Variants in LPP observed in about 807,000 individuals in gnomAD.
The protein encoded by LPP is lipoma-preferred partner.
In LPP, 38 loss-of-function variants were observed where a neutral mutation model predicts 60.4. The observed-to-expected ratio is 0.63, with a 90% confidence interval of 0.49 to 0.83. The LOEUF (loss-of-function observed/expected upper bound fraction) is 0.83. Among genes scored for constraint, LPP ranks in the 40% least tolerant of loss-of-function variants. LPP has a pLI of 0.00. For missense variants in LPP, 902 were observed against 783.6 expected, an observed-to-expected ratio of 1.15 and a Z score of -1.80; for synonymous variants, 328 against 290.8, an observed-to-expected ratio of 1.13 and a Z score of -1.30.
chr3:188,843,777 A>G (rs1234978995), intron 9 of LPP, among the ~76,000 whole-genome samples: 1 of 148,202 alleles, frequency 6.7e-6, no homozygotes, highest in Non-Finnish European at 1.5e-5. Context: ...ACAGAGCAAG[A>G]CTCCGTCTCA....
intron 9 of LPP, among the ~76,000 whole-genome samples, chr3:188,775,775 A>T (rs1255005379): frequency 6.6e-6 from 1 of 152,260 alleles, no homozygotes; most frequent in Non-Finnish European, 1.5e-5. Flanking sequence ...TTAAGAAGTG[A>T]CAGGTTAAGC....
intron 6 of LPP, among the ~76,000 whole-genome samples, chr3:188,583,464 C>T (rs1836727175): frequency 6.6e-6 from 1 of 152,162 alleles, no homozygotes. Flanking sequence ...TTTCAGCACA[C>T]TCCTCTGGTA....
At chr3:188,423,816 A>C (rs139083212) in intron 4 of LPP, among the ~76,000 whole-genome samples, 5,010 of 151,150 alleles carry the variant, frequency 0.033, 290 homozygotes, top group African/African-American at 0.11. Flanking sequence ...TTTTTTCTTG[A>C]AAATTTGTTT....
At chr3:188,243,978 C>T (rs1344792337) in intron 2 of LPP, among the ~76,000 whole-genome samples, 7 of 152,120 alleles carry the variant, frequency 4.6e-5, no homozygotes, top group African/African-American at 1.2e-4. Context: ...CGGGTTCAAG[C>T]GATTCTCCTG....
At chr3:188,240,497 T>A (rs188042898) in intron 2 of LPP, among the ~76,000 whole-genome samples, 1 of 152,264 alleles carries the variant, frequency 6.6e-6, no homozygotes. Context: ...GTCTTATACG[T>A]ACTGAATTTG....
At chr3:188,325,302 T>A (rs1758111891) in intron 2 of LPP, among the ~76,000 whole-genome samples, 1 of 152,144 alleles carries the variant, frequency 6.6e-6, no homozygotes, top group Admixed American at 6.6e-5. Context: ...TTCATACCAC[T>A]CATCACTTTA....
rs112175396 is a variant in LPP, at chr3:188,771,296, C to T, written c.1410+11014C>T. On this transcript the variant is annotated intron_variant, in intron 9 of 11. Transcript: ENST00000617246. ...GGGCACAGTAGCTCACGCCTGTAATCCCAGCACGTTGGGAGGCCGAGGTGC... is the reference window on the plus strand; with the variant it reads ...GGGCACAGTAGCTCACGCCTGTAATTCCAGCACGTTGGGAGGCCGAGGTGC... Among the ~76,000 whole-genome samples the T allele has an allele frequency of 4.2e-3, 631 of 152,036 alleles. 6 individuals carry two copies. Among genetic ancestry groups the T allele is most frequent in the African/African-American group, 0.013 (553 of 41,460 alleles).
chr3:188,862,718 A>AAAAAAAAAG (rs1765495017), intron 9 of LPP, among the ~76,000 whole-genome samples: 1 of 99,844 alleles, frequency 1.0e-5, no homozygotes, highest in African/African-American at 3.9e-5. Context: ...TAGACAAAAA[A>AAAAAAAAAG]ATAAATAAAT....
intron 9 of LPP, among the ~76,000 whole-genome samples, chr3:188,845,973 C>A (rs1761284646): frequency 6.6e-6 from 1 of 152,202 alleles, no homozygotes; most frequent in African/African-American, 2.4e-5. Flanking sequence ...CTCTCCTAAA[C>A]CAGATAAGGA....
At chr3:188,478,081 T>A (rs577360245) in intron 4 of LPP, among the ~76,000 whole-genome samples, 1 of 152,324 alleles carries the variant, frequency 6.6e-6, no homozygotes, top group African/African-American at 2.4e-5. Context: ...TGTGGCATAA[T>A]TCATTGCCTT....
chr3:188,269,161 T>C lies in LPP; in HGVS notation c.-67+43634T>C, dbSNP rs186202034. On this transcript the variant is annotated intron_variant, in intron 2 of 11. Coordinates refer to ENST00000617246, the MANE Select transcript of LPP (RefSeq NM_001375462.1). Reference sequence around the variant, plus strand: ...GTAAATACGACATACTGTTAAGGGTTAATAGGTGGCTGTTTTCTGTGTTTG... The same window carrying C: ...GTAAATACGACATACTGTTAAGGGTCAATAGGTGGCTGTTTTCTGTGTTTG... 1.9e-3 allele frequency among the ~76,000 whole-genome samples: 287 copies of C among 152,346 alleles called. 2 individuals carry two copies. Among genetic ancestry groups the C allele is most frequent in the African/African-American group, 6.5e-3 (269 of 41,572 alleles).
intron 2 of LPP, among the ~76,000 whole-genome samples, chr3:188,284,964 C>T (rs892274301): frequency 6.6e-6 from 1 of 151,970 alleles, no homozygotes; most frequent in African/African-American, 2.4e-5. Flanking sequence ...ACTTTCTGCT[C>T]TGGTTGTTTA....
At chr3:188,856,700 C>A (rs1247100922) in intron 9 of LPP, among the ~76,000 whole-genome samples, 1 of 152,150 alleles carries the variant, frequency 6.6e-6, no homozygotes, top group Non-Finnish European at 1.5e-5. Flanking sequence ...TGAATTCCAG[C>A]TACTCTGGAA....
chr3:188,542,332 G>A (rs1825424109), intron 6 of LPP, among the ~76,000 whole-genome samples: 1 of 152,182 alleles, frequency 6.6e-6, no homozygotes, highest in African/African-American at 2.4e-5. Flanking sequence ...CATCCCAGTT[G>A]TCACACACAA....
chr3:188,719,850 A>G (rs1399122795), intron 8 of LPP, among the ~76,000 whole-genome samples: 1 of 152,158 alleles, frequency 6.6e-6, no homozygotes, highest in Non-Finnish European at 1.5e-5. Context: ...TAATTAATTG[A>G]CTGTCAGCAA....
In LPP at chr3:188,883,178, C is replaced by G. The variant is rs1770252090; in HGVS notation, c.*8699C>G. 4.5e-6 allele frequency: 1 copy of G among 219,806 alleles called. No individual in the cohort carries two copies. The highest frequency in any genetic ancestry group is 9.1e-6 in the Non-Finnish European group (1 of 109,480). 13.6% of individuals were successfully genotyped at this position (219,806 alleles called of 1,614,324 possible). A position where few individuals can be genotyped will look rare whatever the true frequency, so the allele number is the denominator to read the frequency against. On this transcript the variant is annotated 3_prime_UTR_variant, in exon 12 of 12. Coordinates refer to ENST00000617246, the MANE Select transcript of LPP (RefSeq NM_001375462.1). ...TACATGATACAGTGTTGCTTCCCCC[C>G]TCCTTTTCCTTCCATATATATTTGT...
At chr3:188,804,087 A>T (rs1748177265) in intron 9 of LPP, among the ~76,000 whole-genome samples, 1 of 150,960 alleles carries the variant, frequency 6.6e-6, no homozygotes, top group Non-Finnish European at 1.5e-5. Context: ...AAAAATATGC[A>T]ATTTCAAGTA....
chr3:188,367,636 G>A lies in LPP; in HGVS notation c.-10+25917G>A, dbSNP rs368040998. Among the ~76,000 whole-genome samples the A allele has an allele frequency of 1.8e-4, 27 of 152,300 alleles. No individual in the cohort carries two copies. The South Asian group carries it at 4.3e-3, about 25-fold the overall frequency. On this transcript the variant is annotated intron_variant, in intron 3 of 11. Transcript: ENST00000617246. ...TAAAGCTATGCCCTTATCCTAGTCAGTTGTTATATTCATGGCAGCCTTTTC... is the reference window on the plus strand; with the variant it reads ...TAAAGCTATGCCCTTATCCTAGTCAATTGTTATATTCATGGCAGCCTTTTC...
chr3:188,715,376 C>CAAAAAAA (rs35761284), intron 8 of LPP, among the ~76,000 whole-genome samples: 23 of 63,690 alleles, frequency 3.6e-4, no homozygotes, highest in South Asian at 1.8e-3. Flanking sequence ...GACTCCGTCT[C>CAAAAAAA]AAAAAAAAAA....
Sources: allele counts gnomAD v4.1 joint callset (sites outside exome capture counted in the v4.1 genomes callset), GRCh38; gene constraint gnomAD v4.1.1; transcripts MANE v1.5; gene names NCBI Gene and HGNC (gene_info 2026-07-23, HGNC 2026-07-21).